ATRNL1: variants seen among roughly 807,000 people sequenced by gnomAD.
ATRNL1 encodes attractin like 1, also known as attractin-like protein 1.
A neutral mutation model predicts 182.7 loss-of-function variants in ATRNL1; 95 were observed. The observed-to-expected ratio is 0.52, with a 90% CI of 0.44 to 0.62. ATRNL1 has a LOEUF of 0.62. Among genes scored for constraint, ATRNL1 ranks in the 20% least tolerant of loss-of-function variants. ATRNL1 has a pLI of 0.00. For synonymous variants in ATRNL1, 576 were observed against 568.3 expected, an observed-to-expected ratio of 1.01 and a Z score of -0.19; for missense variants, 1,471 against 1,679.5, an observed-to-expected ratio of 0.88 and a Z score of 2.17.
At chr10:115,648,890 T>G (rs1555033562) in intron 26 of ATRNL1, among the ~76,000 whole-genome samples, 1 of 152,132 alleles carries the variant, frequency 6.6e-6, no homozygotes, top group Admixed American at 6.6e-5. Flanking sequence ...GGTAGAACAT[T>G]TGTGTGTGAA....
At chr10:115,333,383 A>G (rs1386647030) in intron 18 of ATRNL1, among the ~76,000 whole-genome samples, 1 of 152,024 alleles carries the variant, frequency 6.6e-6, no homozygotes, top group African/African-American at 2.4e-5. Flanking sequence ...CATACTTTAT[A>G]TTTCATTCTG....
chr10:115,469,389 T>G, intron 24 of ATRNL1, 60 bp downstream of exon 24: 1 of 1,143,696 alleles, frequency 8.7e-7, no homozygotes, highest in Non-Finnish European at 1.2e-6. Context: ...AGAATGGTGC[T>G]TTTGTCCAAA....
chr10:115,367,167 A>C (rs1857091676), intron 19 of ATRNL1, among the ~76,000 whole-genome samples: 1 of 84,708 alleles, frequency 1.2e-5, no homozygotes, highest in Non-Finnish European at 2.7e-5. Context: ...AATCAGACGT[A>C]GATTTGGTCT....
At chr10:115,359,011 A>G (rs1190635556) in intron 19 of ATRNL1, among the ~76,000 whole-genome samples, 4 of 151,602 alleles carry the variant, frequency 2.6e-5, no homozygotes, top group East Asian at 3.9e-4. Context: ...GTCTTTGCCT[A>G]TTTAAATGGG....
At chr10:115,404,789 T>C (rs1554957798) in intron 20 of ATRNL1, among the ~76,000 whole-genome samples, 2 of 150,144 alleles carry the variant, frequency 1.3e-5, no homozygotes, top group Admixed American at 6.7e-5. Context: ...CCCATTCATC[T>C]CTTAAAACTT....
chr10:115,540,618 G>A (rs1451440070), intron 25 of ATRNL1, among the ~76,000 whole-genome samples: 1 of 151,946 alleles, frequency 6.6e-6, no homozygotes, highest in African/African-American at 2.4e-5. Flanking sequence ...AAATTAGTCA[G>A]GAGTGGTAGC....
At chr10:115,710,309 G>A (rs1947025693) in intron 26 of ATRNL1, among the ~76,000 whole-genome samples, 1 of 152,038 alleles carries the variant, frequency 6.6e-6, no homozygotes, top group African/African-American at 2.4e-5. Flanking sequence ...AATAGAAAAG[G>A]GGTACATGAA....
chr10:115,631,307 C>G (rs886447854), intron 26 of ATRNL1, among the ~76,000 whole-genome samples: 1 of 151,544 alleles, frequency 6.6e-6, no homozygotes, highest in Non-Finnish European at 1.5e-5. Context: ...ATATGTATAT[C>G]AAAATATATT....
At chr10:115,330,277 T>G (rs1554934630) in intron 18 of ATRNL1, among the ~76,000 whole-genome samples, 1 of 152,204 alleles carries the variant, frequency 6.6e-6, no homozygotes, top group East Asian at 1.9e-4. Flanking sequence ...GCTTTGTTTT[T>G]TAACCTTCCT....
At chr10:115,324,764 G>A (rs1554932637) in intron 18 of ATRNL1, among the ~76,000 whole-genome samples, 3 of 152,142 alleles carry the variant, frequency 2.0e-5, no homozygotes, top group Non-Finnish European at 4.4e-5. Flanking sequence ...ACATGGTTCA[G>A]TTTAGCTTGC....
chr10:115,329,497 C>G (rs1220443998), intron 18 of ATRNL1, among the ~76,000 whole-genome samples: 1 of 152,078 alleles, frequency 6.6e-6, no homozygotes, highest in Non-Finnish European at 1.5e-5. Context: ...TCCCCTACTA[C>G]TATTGTTTTG....
At chr10:115,470,390 G>A (rs1448625297) in intron 24 of ATRNL1, among the ~76,000 whole-genome samples, 1 of 150,358 alleles carries the variant, frequency 6.7e-6, no homozygotes, top group Admixed American at 6.7e-5. Flanking sequence ...TGCTGGTACT[G>A]TCAGAAAAAT....
intron 17 of ATRNL1, among the ~76,000 whole-genome samples, chr10:115,311,189 A>ATTTTTTTTTTT (rs58808060): frequency 1.5e-5 from 2 of 133,816 alleles, no homozygotes; most frequent in Admixed American, 7.8e-5. Context: ...TATGATTTAG[A>ATTTTTTTTTTT]TTTTTTTTTT....
intron 26 of ATRNL1, among the ~76,000 whole-genome samples, chr10:115,722,443 A>G (rs1947459107): frequency 6.6e-6 from 1 of 152,214 alleles, no homozygotes; most frequent in Non-Finnish European, 1.5e-5. Context: ...ATAAAATGGT[A>G]GAAAACCATG....
intron 27 of ATRNL1, among the ~76,000 whole-genome samples, chr10:115,847,465 GTATGTA>G (rs1233418445): frequency 2.8e-4 from 42 of 152,022 alleles, no homozygotes; most frequent in African/African-American, 8.9e-4. Context: ...ATGTATCTGT[GTATGTA>G]TATGTATATG....
intron 26 of ATRNL1, among the ~76,000 whole-genome samples, chr10:115,566,390 A>G (rs1854078491): frequency 1.3e-5 from 2 of 152,218 alleles, no homozygotes; most frequent in South Asian, 4.1e-4. Context: ...AAGAGCTAAC[A>G]TAAATTAAGC....
At chr10:115,824,681 A>C (rs527921506) in intron 27 of ATRNL1, among the ~76,000 whole-genome samples, 4 of 152,184 alleles carry the variant, frequency 2.6e-5, no homozygotes, top group Admixed American at 2.6e-4. Flanking sequence ...CTCATCATCT[A>C]TGGTGATTAG....
chr10:115,290,962 C>A, intron 15 of ATRNL1, among the ~76,000 whole-genome samples: 1 of 152,236 alleles, frequency 6.6e-6, no homozygotes, highest in East Asian at 1.9e-4. Flanking sequence ...ACGTGGTTGA[C>A]AAAGAAAAGG....
chr10:115,781,627 C>T (rs183288905), intron 27 of ATRNL1, among the ~76,000 whole-genome samples: 291 of 152,236 alleles, frequency 1.9e-3, no homozygotes, highest in African/African-American at 6.5e-3. Flanking sequence ...TATGATAGTA[C>T]AAGCCAGCAT....
Sources: gnomAD v4.1 joint callset for allele counts (sites outside exome capture counted in the v4.1 genomes callset) on GRCh38, gnomAD v4.1.1 for gene constraint, MANE v1.5 for transcripts, NCBI Gene and HGNC (gene_info 2026-07-23, HGNC 2026-07-21) for gene names.